Variants in MKLN1 observed in about 807,000 individuals in gnomAD.
MKLN1 encodes the protein muskelin 1.
A neutral mutation model predicts 99.0 loss-of-function variants in MKLN1; 18 were observed. The ratio of observed to expected loss-of-function variants is 0.18; its 90% confidence interval spans 0.13 to 0.27. The LOEUF is 0.27. MKLN1 is among the 10% of genes least tolerant of loss of function. MKLN1 has a pLI of 1.00. For missense variants in MKLN1, 621 were observed against 875.9 expected (o/e 0.71, Z 3.67); for synonymous variants, 288 against 293.2 (o/e 0.98, Z 0.18).
At chr7:131,149,655 A>G (rs941244918) in intron 2 of MKLN1, among the ~76,000 whole-genome samples, 1 of 152,242 alleles carries the variant, frequency 6.6e-6, no homozygotes, top group East Asian at 1.9e-4. Context: ...CATTCCAAAC[A>G]AACAGTTTTT....
chr7:131,192,223 TATATACAATATATAAATATATAAAATATA>T (rs1563247558), intron 2 of MKLN1, among the ~76,000 whole-genome samples: 6 of 101,738 alleles, frequency 5.9e-5, no homozygotes, highest in African/African-American at 2.6e-4. Flanking sequence ...ATATATAAAA[TATATACAATATATAAATATATAAAATATA>T]ATATATACAA....
chr7:131,323,068 T>A (rs1798815957), upstream of MKLN1, among the ~76,000 whole-genome samples: 1 of 152,200 alleles, frequency 6.6e-6, no homozygotes. Flanking sequence ...CTAGACCTGG[T>A]GAGAAAAAAT....
chr7:131,361,652 G>A lies in MKLN1; in HGVS notation c.99-13772G>A, dbSNP rs1258623522. ...TCCTTTAACACTTAAATCTCTCTGA[G>A]GAAGTTAACTAAGAACTTTTTCTAA... On this transcript the variant is annotated intron_variant, in intron 1 of 17. Transcript: ENST00000352689. 2.0e-5 allele frequency among the ~76,000 whole-genome samples: 3 copies of A among 150,218 alleles called. No homozygotes were observed. The East Asian group carries it at 5.8e-4, about 29-fold the overall frequency.
chr7:131,277,041 C>T (rs1253766207), intron 3 of MKLN1, among the ~76,000 whole-genome samples: 1 of 152,064 alleles, frequency 6.6e-6, no homozygotes, highest in Non-Finnish European at 1.5e-5. Flanking sequence ...TATCAAGTGG[C>T]TTGATATATT....
chr7:131,192,804 T>G (rs1796588051), intron 2 of MKLN1, among the ~76,000 whole-genome samples: 1 of 151,938 alleles, frequency 6.6e-6, no homozygotes, highest in African/African-American at 2.4e-5. Context: ...CCTCCCAAAG[T>G]GCTGAGATTA....
chr7:131,284,000 T>A (rs1410487708), intron 3 of MKLN1, among the ~76,000 whole-genome samples: 1 of 152,186 alleles, frequency 6.6e-6, no homozygotes, highest in African/African-American at 2.4e-5. Context: ...TAGTGCTCCA[T>A]TGTGTAAATG....
intron 1 of MKLN1, among the ~76,000 whole-genome samples, chr7:131,142,457 C>T (rs977041975): frequency 2.7e-5 from 4 of 149,802 alleles, no homozygotes; most frequent in African/African-American, 9.8e-5. Flanking sequence ...AAAATTAGGC[C>T]GGTCGCGGTG....
At chr7:131,396,613 T>A (rs1192095898) in intron 4 of MKLN1, among the ~76,000 whole-genome samples, 6 of 152,180 alleles carry the variant, frequency 3.9e-5, no homozygotes, top group Admixed American at 3.9e-4. Context: ...TATTGCCTTA[T>A]ATTGCTTATA....
chr7:131,419,651 T>C (rs763007931), intron 8 of MKLN1, among the ~76,000 whole-genome samples: 2 of 152,208 alleles, frequency 1.3e-5, no homozygotes, highest in Non-Finnish European at 2.9e-5. Flanking sequence ...GTGATATTCA[T>C]TATTGAACTG....
At chr7:131,124,418 A>G (rs1372273953) in intron 1 of MKLN1, among the ~76,000 whole-genome samples, 2 of 152,180 alleles carry the variant, frequency 1.3e-5, no homozygotes, top group Non-Finnish European at 2.9e-5. Flanking sequence ...GCACCTGGCC[A>G]GTTGTCTTGC....
chr7:131,275,045 CT>C (rs751633748), intron 3 of MKLN1, among the ~76,000 whole-genome samples: 3 of 152,088 alleles, frequency 2.0e-5, no homozygotes, highest in Non-Finnish European at 4.4e-5. Flanking sequence ...GAAATATCAC[CT>C]TTGTCTTAGT....
At chr7:131,119,575 A>G (rs978653891) in intron 1 of MKLN1, among the ~76,000 whole-genome samples, 4 of 152,224 alleles carry the variant, frequency 2.6e-5, no homozygotes, top group African/African-American at 7.2e-5. Context: ...GAGGTTCTCA[A>G]TGAGGGCTCT....
At chr7:131,176,892 T>C (rs1315076936) in intron 2 of MKLN1, among the ~76,000 whole-genome samples, 1 of 152,204 alleles carries the variant, frequency 6.6e-6, no homozygotes. Flanking sequence ...GGCTTCTACA[T>C]AGAGCTAGTG....
chr7:131,132,996 C>T (rs1267454814), intron 1 of MKLN1, among the ~76,000 whole-genome samples: 2 of 144,952 alleles, frequency 1.4e-5, no homozygotes, highest in African/African-American at 2.6e-5. Flanking sequence ...CAGAGCATGA[C>T]TGTGCCTTGC....
At chr7:131,412,752 A>G (rs535566612) in intron 7 of MKLN1, among the ~76,000 whole-genome samples, 18 of 152,332 alleles carry the variant, frequency 1.2e-4, no homozygotes, top group African/African-American at 3.8e-4. Context: ...TCTTAATGCA[A>G]CTGTTTGTGT....
chr7:131,136,704 C>T (rs545162241), intron 1 of MKLN1, among the ~76,000 whole-genome samples: 25 of 152,310 alleles, frequency 1.6e-4, no homozygotes, highest in African/African-American at 4.6e-4. Context: ...GAACAACTCC[C>T]GTTGCACCAC....
intron 1 of MKLN1, among the ~76,000 whole-genome samples, chr7:131,353,869 A>G (rs1485416462): frequency 1.9e-5 from 2 of 107,692 alleles, no homozygotes; most frequent in African/African-American, 3.5e-5. Flanking sequence ...TGAAAAGGCT[A>G]TTCTTCCTTT....
intron 3 of MKLN1, among the ~76,000 whole-genome samples, chr7:131,238,547 C>T (rs1185723367): frequency 6.6e-6 from 1 of 152,174 alleles, no homozygotes; most frequent in Non-Finnish European, 1.5e-5. Context: ...GAGAAGCAGG[C>T]ACTGGAAAGA....
chr7:131,331,350 C>G (rs1488598601), intron 1 of MKLN1, among the ~76,000 whole-genome samples: 1 of 152,162 alleles, frequency 6.6e-6, no homozygotes, highest in African/African-American at 2.4e-5. Flanking sequence ...TCTTCAGGCA[C>G]TGTACTGAGC....
Sources: gnomAD v4.1 joint callset for allele counts (sites outside exome capture counted in the v4.1 genomes callset) on GRCh38, gnomAD v4.1.1 for gene constraint, MANE v1.5 for transcripts, NCBI Gene and HGNC (gene_info 2026-07-23, HGNC 2026-07-21) for gene names.